The following TMEM117 variants were observed in gnomAD, a reference collection of about 807,000 sequenced individuals.
TMEM117 encodes transmembrane protein 117.
In TMEM117, 27 loss-of-function variants were observed where a neutral mutation model predicts 52.4. The ratio of observed to expected loss-of-function variants is 0.51; its 90% confidence interval spans 0.38 to 0.71. TMEM117 has a LOEUF of 0.71. TMEM117 is among the 30% of genes least tolerant of loss of function. The probability of loss-of-function intolerance (pLI) is 0.00; values close to 1 mark genes in which losing one functional copy is unlikely to be tolerated. For synonymous variants in TMEM117, 215 were observed against 206.3 expected, an observed-to-expected ratio of 1.04 and a Z score of -0.36; for missense variants, 556 against 630.5, an observed-to-expected ratio of 0.88 and a Z score of 1.26.
intron 4 of TMEM117, among the ~76,000 whole-genome samples, chr12:44,159,999 G>A (rs571123862): frequency 1.2e-3 from 179 of 152,234 alleles, no homozygotes; most frequent in African/African-American, 3.9e-3. Flanking sequence ...GAGGATGAAA[G>A]CACAAAGACC....
At chr12:44,126,122 T>C (rs945144489) in intron 3 of TMEM117, among the ~76,000 whole-genome samples, 23 of 152,142 alleles carry the variant, frequency 1.5e-4, no homozygotes, top group Admixed American at 1.5e-3. Context: ...TGCTGAGGAA[T>C]GTTTTAGTTC....
chr12:44,135,116 T>A (rs1349164823), intron 3 of TMEM117, among the ~76,000 whole-genome samples: 1 of 152,184 alleles, frequency 6.6e-6, no homozygotes, highest in African/African-American at 2.4e-5. Flanking sequence ...AATCACTGGG[T>A]TATTTTCTCA....
At chr12:43,818,817 A>G in the TMEM117 span, among the ~76,000 whole-genome samples, 5 of 152,218 alleles carry the variant, frequency 3.3e-5, no homozygotes, top group Non-Finnish European at 4.4e-5. Flanking sequence ...ACACATTTTA[A>G]TGGAGTCAGA....
At chr12:44,241,820 T>C (rs1043985512) in intron 5 of TMEM117, among the ~76,000 whole-genome samples, 1 of 152,028 alleles carries the variant, frequency 6.6e-6, no homozygotes, top group African/African-American at 2.4e-5. Flanking sequence ...GACTTCCTAG[T>C]CTTCTCTATA....
At chr12:44,004,827 G>A (rs1411183890) in intron 3 of TMEM117, among the ~76,000 whole-genome samples, 1 of 152,138 alleles carries the variant, frequency 6.6e-6, no homozygotes, top group Non-Finnish European at 1.5e-5. Context: ...ATACCTAGCT[G>A]AGTTGGGACA....
chr12:44,072,017 C>T (rs1947309519), intron 3 of TMEM117, among the ~76,000 whole-genome samples: 1 of 152,050 alleles, frequency 6.6e-6, no homozygotes, highest in African/African-American at 2.4e-5. Flanking sequence ...ATTTAATAGC[C>T]AGAATGGCAC....
chr12:44,081,278 T>A (rs933401018), intron 3 of TMEM117, among the ~76,000 whole-genome samples: 1 of 152,216 alleles, frequency 6.6e-6, no homozygotes, highest in South Asian at 2.1e-4. Flanking sequence ...GTAATATTTG[T>A]CATGTCTCTG....
intron 3 of TMEM117, among the ~76,000 whole-genome samples, chr12:44,012,385 T>C (rs1347992071): frequency 2.0e-5 from 3 of 151,764 alleles, no homozygotes; most frequent in African/African-American, 7.2e-5. Context: ...TCAAATATTG[T>C]TTCTGTTTTT....
At position 43,912,534 on chromosome 12, in the gene TMEM117, T is replaced by TATATATATATATATATATAA. The variant is rs1239034268; in HGVS notation, c.278-31674_278-31673insATATATATATATATATAAAT. Among the ~76,000 whole-genome samples, 284 of 130,006 alleles carry TATATATATATATATATATAA rather than the reference T, an allele frequency of 2.2e-3. 7 individuals are homozygous for TATATATATATATATATATAA. The highest frequency in any genetic ancestry group is 7.9e-3 in the African/African-American group (275 of 34,814). 85.3% of individuals were successfully genotyped at this position (130,006 alleles called of 152,430 possible). On this transcript the variant is annotated intron_variant, in intron 2 of 7. Coordinates refer to ENST00000266534, the MANE Select transcript of TMEM117 (RefSeq NM_032256.3). ...ATATATATATATATATATATATATA[T>TATATATATATATATATATAA]ATGGCAGAATGAAAGCTCCATGTGG... is the stretch of plus-strand genomic sequence containing the variant.
chr12:44,015,055 G>C (rs1946353026), intron 3 of TMEM117, among the ~76,000 whole-genome samples: 1 of 151,984 alleles, frequency 6.6e-6, no homozygotes, highest in Non-Finnish European at 1.5e-5. Context: ...GGTGGCTACA[G>C]TAATAATATA....
At chr12:43,976,470 A>G (rs1158734858) in intron 3 of TMEM117, among the ~76,000 whole-genome samples, 10 of 152,282 alleles carry the variant, frequency 6.6e-5, no homozygotes. Context: ...AGCAAACACA[A>G]TTTGTGGGTA....
intron 5 of TMEM117, among the ~76,000 whole-genome samples, chr12:44,253,873 CA>C (rs1565640663): frequency 1.3e-5 from 2 of 149,650 alleles, no homozygotes; most frequent in African/African-American, 5.0e-5. Flanking sequence ...CACACACACA[CA>C]CACCTTCTCT....
chr12:44,201,794 A>G (rs1187991372), intron 4 of TMEM117, among the ~76,000 whole-genome samples: 1 of 152,196 alleles, frequency 6.6e-6, no homozygotes, highest in African/African-American at 2.4e-5. Flanking sequence ...TTGCCAATTT[A>G]GTTTTAGGGT....
intron 6 of TMEM117, among the ~76,000 whole-genome samples, chr12:44,373,666 A>T (rs770286620): frequency 1.3e-5 from 2 of 151,440 alleles, no homozygotes; most frequent in South Asian, 2.1e-4. Flanking sequence ...CAATTTATAG[A>T]TGAAGAGACT....
chr12:43,869,910 T>G (rs1943673677), intron 2 of TMEM117, among the ~76,000 whole-genome samples: 1 of 152,196 alleles, frequency 6.6e-6, no homozygotes, highest in African/African-American at 2.4e-5. Flanking sequence ...ATCCTCTCCC[T>G]TCTCCCACCA....
chr12:43,866,164 C>A (rs1164355357), intron 2 of TMEM117, among the ~76,000 whole-genome samples: 1 of 151,760 alleles, frequency 6.6e-6, no homozygotes, highest in Non-Finnish European at 1.5e-5. Context: ...GCAGTCAGAA[C>A]TAAGGTCACA....
intron 5 of TMEM117, among the ~76,000 whole-genome samples, chr12:44,255,111 A>G (rs1433493251): frequency 3.9e-5 from 6 of 152,212 alleles, no homozygotes; most frequent in Non-Finnish European, 7.3e-5. Context: ...TAGTGCCACA[A>G]TAAACATACG....
At chr12:44,396,700 A>G in the TMEM117 span, among the ~76,000 whole-genome samples, 1 of 152,008 alleles carries the variant, frequency 6.6e-6, no homozygotes, top group Non-Finnish European at 1.5e-5. Flanking sequence ...CTGAAAATAT[A>G]AAAATTAGCC....
In TMEM117 at chr12:44,014,166, C is replaced by T. The variant is rs1439847722; in HGVS notation, c.410+69824C>T. Among the ~76,000 whole-genome samples the T allele has an allele frequency of 3.3e-5, 5 of 152,250 alleles. No individual in the cohort carries two copies. In the East Asian group the frequency reaches 9.7e-4, roughly 29 times the overall value. ...CACAAAAGCAATAGAGCTGAACTGG[C>T]TCTAGGTAGATAGGCCATTGCAGGT... On this transcript the variant is annotated intron_variant, in intron 3 of 7. Transcript: ENST00000266534.
Sources: gnomAD v4.1 joint callset for allele counts (sites outside exome capture counted in the v4.1 genomes callset) on GRCh38, gnomAD v4.1.1 for gene constraint, MANE v1.5 for transcripts, NCBI Gene and HGNC (gene_info 2026-07-23, HGNC 2026-07-21) for gene names.